The following SHISA6 variants were observed in gnomAD, a reference collection of about 807,000 sequenced individuals.
SHISA6 encodes shisa family member 6, also known as protein shisa-6.
SHISA6 carries 22 observed loss-of-function variants against 47.9 expected under a neutral mutation model. The ratio of observed to expected loss-of-function variants is 0.46; its 90% CI spans 0.33 to 0.66. The LOEUF is 0.66. Among genes scored for constraint, SHISA6 ranks in the 30% least tolerant of loss-of-function variants. The probability of loss-of-function intolerance (pLI) is 0.02; values close to 1 mark genes in which losing one functional copy is unlikely to be tolerated. For missense variants in SHISA6, 680 were observed against 764.6 expected (o/e 0.89, Z 1.30); for synonymous variants, 388 against 337.8 (o/e 1.15, Z -1.63).
At chr17:11,447,929 AGTGGGTACGGGCACTCCGTG>A (rs1406083688) in intron 3 of SHISA6, among the ~76,000 whole-genome samples, 5 of 152,186 alleles carry the variant, frequency 3.3e-5, no homozygotes, top group Non-Finnish European at 7.3e-5. Context: ...CTGGAGGGGC[AGTGGGTACGGGCACTCCGTG>A]GTGGAGTTCC....
intron 3 of SHISA6, among the ~76,000 whole-genome samples, chr17:11,433,853 G>GGGATCTGCCA (rs1914860763): frequency 6.6e-6 from 1 of 151,998 alleles, no homozygotes; most frequent in Non-Finnish European, 1.5e-5. Context: ...GAGCATCCTA[G>GGGATCTGCCA]GGACTTTACC....
At chr17:11,331,846 C>G (rs1911128248) in intron 2 of SHISA6, among the ~76,000 whole-genome samples, 1 of 152,086 alleles carries the variant, frequency 6.6e-6, no homozygotes, top group Admixed American at 6.5e-5. Context: ...TTGCTGTCAC[C>G]TCTGGGTCTC....
In SHISA6 at chr17:11,559,592, C is replaced by G. The variant is rs752890834; in HGVS notation, c.*1288C>G. 2 of 152,682 alleles carry G rather than the reference C, an allele frequency of 1.3e-5. No individual in the cohort carries two copies. Among genetic ancestry groups the G allele is most frequent in the Non-Finnish European group, 2.9e-5 (2 of 68,388 alleles). 9.5% of individuals were successfully genotyped at this position (152,682 alleles called of 1,614,324 possible). On this transcript the variant is annotated 3_prime_UTR_variant, in exon 6 of 6. Coordinates refer to ENST00000441885, the MANE Select transcript of SHISA6 (RefSeq NM_207386.4). This position sits in a 1 kb window ranked among gnomAD's most constrained non-coding sequence, Gnocchi z 4.4. ...TCCTAGCTGATCCTTCAGATCCGTGCCTCCTCTGGATCAAAGGGACAAAGA... is the reference window on the plus strand; with the variant it reads ...TCCTAGCTGATCCTTCAGATCCGTGGCTCCTCTGGATCAAAGGGACAAAGA...
At chr17:11,459,098 G>C (rs1237836649) in intron 3 of SHISA6, among the ~76,000 whole-genome samples, 1 of 151,488 alleles carries the variant, frequency 6.6e-6, no homozygotes. Flanking sequence ...AGGCACCTGT[G>C]GTCCCAGCTA....
Position 11,401,072 on chromosome 17 carries a change from A to G in SHISA6, c.895+21563A>G, listed in dbSNP as rs151132496. On this transcript the variant is annotated intron_variant, in intron 3 of 5. Transcript: ENST00000441885. ...GTGGGATTGTTGGCTCTCTGACTAG[A>G]CTAGCTTTATGGAGCACAGAGACTA... Among the ~76,000 whole-genome samples the G allele has an allele frequency of 8.3e-4, 126 of 152,308 alleles. 1 individual carries two copies. Among genetic ancestry groups the G allele is most frequent in the Middle Eastern group, 3.4e-3 (1 of 294 alleles).
chr17:11,506,067 T>C (rs543191036), intron 3 of SHISA6, among the ~76,000 whole-genome samples: 3 of 152,052 alleles, frequency 2.0e-5, no homozygotes, highest in Non-Finnish European at 2.9e-5. Context: ...TCCACTGAAA[T>C]AGGAGATAGG....
intron 3 of SHISA6, among the ~76,000 whole-genome samples, chr17:11,538,579 A>G (rs1337481745): frequency 6.6e-6 from 1 of 152,154 alleles, no homozygotes; most frequent in African/African-American, 2.4e-5. Flanking sequence ...CACCTGCAGC[A>G]TTGCCCAAAG....
chr17:11,299,826 T>G (rs1012133115), intron 2 of SHISA6, among the ~76,000 whole-genome samples: 5 of 152,112 alleles, frequency 3.3e-5, no homozygotes, highest in Non-Finnish European at 7.4e-5. Context: ...TTGATCCCAC[T>G]TGCAAGGTTC....
intron 3 of SHISA6, among the ~76,000 whole-genome samples, chr17:11,522,842 G>T (rs776948869): frequency 6.6e-6 from 1 of 152,130 alleles, no homozygotes; most frequent in African/African-American, 2.4e-5. Context: ...TTTTCAACAA[G>T]AAATATTTTA....
Position 11,520,984 on chromosome 17 carries a change from G to A in SHISA6, c.896-30912G>A, listed in dbSNP as rs1032292604. ...CCACTGTATTTGTAGAAACCCCTGA[G>A]AGAGTTTTCACCTGGGACAATGGAC... On this transcript the variant is annotated intron_variant, in intron 3 of 5. Coordinates refer to ENST00000441885, the MANE Select transcript of SHISA6 (RefSeq NM_207386.4). 1.3e-5 allele frequency among the ~76,000 whole-genome samples: 2 copies of A among 152,196 alleles called. 1 individual carries two copies. Among genetic ancestry groups the A allele is most frequent in the South Asian group, 4.1e-4 (2 of 4,830 alleles).
chr17:11,552,795 G>A (rs572543631), intron 4 of SHISA6, among the ~76,000 whole-genome samples: 2 of 152,324 alleles, frequency 1.3e-5, no homozygotes, highest in Admixed American at 1.3e-4. Flanking sequence ...CATGTGCTAT[G>A]CTCCAGGTGG....
At chr17:11,308,212 G>T (rs1910195342) in intron 2 of SHISA6, among the ~76,000 whole-genome samples, 1 of 152,188 alleles carries the variant, frequency 6.6e-6, no homozygotes, top group South Asian at 2.1e-4. Flanking sequence ...AATTTCCTTA[G>T]TGTTTTGGCT....
intron 2 of SHISA6, among the ~76,000 whole-genome samples, chr17:11,348,818 C>T (rs1016395038): frequency 6.6e-6 from 1 of 152,190 alleles, no homozygotes; most frequent in African/African-American, 2.4e-5. Context: ...CAAGATTGCT[C>T]ACTTTCAAAC....
In SHISA6 at chr17:11,242,017, TACG is replaced by T; in HGVS notation, c.598_600del (p.Asp200del). 2.6e-6 allele frequency: 4 copies of T among 1,551,012 alleles called. No individual in the cohort carries two copies. The highest frequency in any genetic ancestry group is 3.5e-6 in the Non-Finnish European group (4 of 1,146,992). On this transcript the variant is annotated inframe_deletion, in exon 1 of 6. Transcript: ENST00000441885. ...GGCCGGCGTCTTCGCCAAGGTCTCC[TACG>T]ACAAGGCCCACCGCCCTCCACGGGA...
chr17:11,351,829 A>G (rs913762922), intron 2 of SHISA6, among the ~76,000 whole-genome samples: 3 of 152,242 alleles, frequency 2.0e-5, no homozygotes, highest in African/African-American at 7.2e-5. Flanking sequence ...TTCTGTGGTT[A>G]CAGAACAAAG....
chr17:11,517,696 G>A (rs1307722178), intron 3 of SHISA6, among the ~76,000 whole-genome samples: 4 of 151,988 alleles, frequency 2.6e-5, no homozygotes, highest in Non-Finnish European at 5.9e-5. Context: ...AGAGACGGGG[G>A]TCTTGCTGTG....
intron 3 of SHISA6, among the ~76,000 whole-genome samples, chr17:11,467,085 A>G (rs1915826932): frequency 6.6e-6 from 1 of 152,174 alleles, no homozygotes; most frequent in South Asian, 2.1e-4. Flanking sequence ...TCTCACTACC[A>G]TCAATGACCT....
At chr17:11,544,686 T>G (rs2071866701) in intron 3 of SHISA6, among the ~76,000 whole-genome samples, 1 of 151,940 alleles carries the variant, frequency 6.6e-6, no homozygotes, top group East Asian at 1.9e-4. Context: ...GCAGGCCGGG[T>G]GCGGTGGCTC....
rs576104046 is a variant in SHISA6, at chr17:11,487,368, T to C, written c.896-64528T>C. Among the ~76,000 whole-genome samples the C allele has an allele frequency of 3.3e-5, 5 of 152,354 alleles. No homozygotes were observed. The South Asian group carries it at 8.3e-4, about 25-fold the overall frequency. ...TAGGGTGGAAAGTATATCTCAATTGTTATTTTTCATTACTTGCAAAATAGA... is the reference window on the plus strand; with the variant it reads ...TAGGGTGGAAAGTATATCTCAATTGCTATTTTTCATTACTTGCAAAATAGA... On this transcript the variant is annotated intron_variant, in intron 3 of 5. Coordinates refer to ENST00000441885, the MANE Select transcript of SHISA6 (RefSeq NM_207386.4).
Sources: allele counts gnomAD v4.1 joint callset (sites outside exome capture counted in the v4.1 genomes callset), GRCh38; gene constraint gnomAD v4.1.1; non-coding constraint Gnocchi (gnomAD v3.1); transcripts MANE v1.5; gene names NCBI Gene and HGNC (gene_info 2026-07-23, HGNC 2026-07-21).